Variants in COL24A1 observed in about 807,000 individuals in gnomAD.
COL24A1 encodes collagen alpha-1(XXIV) chain.
In COL24A1, 224 loss-of-function variants were observed where a neutral mutation model predicts 253.9. That is an observed-to-expected ratio of 0.88 (90% CI 0.79 to 0.99). The LOEUF (loss-of-function observed/expected upper bound fraction) is 0.99. Ranked by LOEUF, COL24A1 falls within the 50% of genes least tolerant of loss-of-function variation. COL24A1 has a pLI of 0.00. For synonymous variants in COL24A1, 685 were observed against 673.7 expected (o/e 1.02, Z -0.26); for missense variants, 2,131 against 2,068.5 (o/e 1.03, Z -0.59).
chr1:86,125,438 T>C lies in COL24A1; in HGVS notation c.898A>G (p.Thr300Ala), dbSNP rs767443748. 3.7e-6 allele frequency: 6 copies of C among 1,613,626 alleles called. No individual in the cohort carries two copies. The highest frequency in any genetic ancestry group is 3.4e-6 in the Non-Finnish European group (4 of 1,179,796). The change falls in exon 3 of 60, where the codon ACC (threonine) becomes GCC (alanine). Residue 300 changes from threonine to alanine, a missense_variant. By Grantham distance (58) the Thr-to-Ala change is moderately conservative (BLOSUM62 0). Transcript: ENST00000370571. Reference protein sequence around the residue: ...IPNIIKNDSETVYKRQEHQIS... With the variant: ...IPNIIKNDSEAVYKRQEHQIS... ...TGGTGTTCTTGTCTTTTATACACGG[T>C]TTCAGAATCATTTTTTATGATATTT... is the stretch of plus-strand genomic sequence containing the variant.
intron 24 of COL24A1, among the ~76,000 whole-genome samples, chr1:85,950,528 A>G (rs1689787947): frequency 6.6e-6 from 1 of 152,204 alleles, no homozygotes; most frequent in Non-Finnish European, 1.5e-5. Context: ...GAACCCAGTA[A>G]GTATTAGGCT....
At chr1:85,829,242 A>G (rs1674843777) in intron 43 of COL24A1, among the ~76,000 whole-genome samples, 1 of 151,812 alleles carries the variant, frequency 6.6e-6, no homozygotes, top group African/African-American at 2.4e-5. Context: ...AAGAATGTTG[A>G]TATTGGCCCC....
rs750986733 is a variant in COL24A1 at position 85,823,548 on chromosome 1, C to T, written c.3777G>A (p.Glu1259=). The stretch of plus-strand genomic sequence containing the variant: ...AATTTCAACTTACTTCAGATCCTCT[C>T]TCTCCTTTTAGTCCTTGTTCACCCT... The part of the protein sequence containing the change: ...GDQGEQGLKG[E]RGSEGNKGKK... Residue 1259 remains glutamate, a synonymous_variant, in exon 45 of 60, where the codon GAG becomes GAA. Coordinates refer to ENST00000370571, the MANE Select transcript of COL24A1 (RefSeq NM_152890.7). 47 of 1,613,960 alleles carry T rather than the reference C, an allele frequency of 2.9e-5. No homozygotes were observed. Among genetic ancestry groups the T allele is most frequent in the Non-Finnish European group, 3.6e-5 (42 of 1,179,938 alleles).
chr1:85,778,014 T>C (rs1455497599), intron 52 of COL24A1, among the ~76,000 whole-genome samples: 4 of 137,962 alleles, frequency 2.9e-5, no homozygotes, highest in Admixed American at 7.9e-5. Flanking sequence ...TGTGTGTATA[T>C]GTCTCTATCT....
Position 85,841,245 on chromosome 1 carries a change from G to T in COL24A1, c.3604C>A (p.Pro1202Thr). 1 of 1,604,180 alleles carries T rather than the reference G, an allele frequency of 6.2e-7. No homozygotes were observed. Among genetic ancestry groups the T allele is most frequent in the Non-Finnish European group, 8.5e-7 (1 of 1,176,194 alleles). Residue 1202 changes from proline to threonine, a missense_variant, in exon 42 of 60, where the codon CCA becomes ACA. By Grantham distance (38) the Pro-to-Thr change is conservative. Coordinates refer to ENST00000370571, the MANE Select transcript of COL24A1 (RefSeq NM_152890.7). ...ACTGGTTCACCTCGAGGCCCAGGTG[G>T]TCCTAGGACTGTGCTATCTTCTCCT... Reference protein sequence around the residue: ...YPGEDSTVLGPPGPRGEPGPV... With the variant: ...YPGEDSTVLGTPGPRGEPGPV...
intron 10 of COL24A1, among the ~76,000 whole-genome samples, chr1:86,055,404 T>C (rs980816115): frequency 6.6e-6 from 1 of 152,040 alleles, no homozygotes; most frequent in Admixed American, 6.5e-5. Context: ...TAACTAAAAG[T>C]ACAACTTAAG....
chr1:86,045,278 C>G (rs1390753347), intron 12 of COL24A1, among the ~76,000 whole-genome samples: 1 of 152,126 alleles, frequency 6.6e-6, no homozygotes, highest in African/African-American at 2.4e-5. Context: ...GTGTGAGCCA[C>G]CGCGCCCAGC....
chr1:85,921,581 ACC>A (rs1344158237), intron 24 of COL24A1, among the ~76,000 whole-genome samples: 1 of 152,168 alleles, frequency 6.6e-6, no homozygotes, highest in African/African-American at 2.4e-5. Context: ...CAGCTGAGGG[ACC>A]TGACTCTTAG....
chr1:85,906,531 A>C (rs17128475), intron 28 of COL24A1, among the ~76,000 whole-genome samples: 17,642 of 151,498 alleles, frequency 0.12, 1,140 homozygotes, highest in East Asian at 0.23. Flanking sequence ...AAACTTTGAG[A>C]GCCCTGGTTC....
Position 86,014,541 on chromosome 1 carries a change from C to G in COL24A1, c.2310+2610G>C, listed in dbSNP as rs374964623. ...ACTAATTTTCTATTTCTCCTAAAGG[C>G]CTTTGAACCCTAACAGATTCAAAGC... is the stretch of plus-strand genomic sequence containing the variant. On this transcript the variant is annotated intron_variant, in intron 19 of 59. Transcript: ENST00000370571. 1.6e-3 allele frequency among the ~76,000 whole-genome samples: 244 copies of G among 152,190 alleles called. 1 individual carries two copies. Among genetic ancestry groups the G allele is most frequent in the African/African-American group, 5.5e-3 (230 of 41,526 alleles).
intron 35 of COL24A1, among the ~76,000 whole-genome samples, chr1:85,870,713 G>A (rs533736140): frequency 1.2e-3 from 179 of 152,202 alleles, no homozygotes; most frequent in Middle Eastern, 3.4e-3. Flanking sequence ...TAGAGGGAAA[G>A]TTATAGCACT....
chr1:86,023,919 C>T (rs113831700), intron 14 of COL24A1, among the ~76,000 whole-genome samples: 1 of 152,092 alleles, frequency 6.6e-6, no homozygotes, highest in African/African-American at 2.4e-5. Context: ...AATGGAAATC[C>T]AAGTTAGTTC....
intron 59 of COL24A1, among the ~76,000 whole-genome samples, chr1:85,732,597 T>C (rs955439691): frequency 3.9e-5 from 6 of 152,174 alleles, no homozygotes; most frequent in African/African-American, 1.4e-4. Flanking sequence ...ATTAGCTGCA[T>C]TACTTTAATT....
intron 30 of COL24A1, 41 bp from the exon 31 acceptor site, chr1:85,895,943 CA>C (rs1468098210): frequency 1.9e-6 from 3 of 1,602,154 alleles, no homozygotes; most frequent in African/African-American, 1.4e-5. Context: ...TAGTCCCCTC[CA>C]AAAAGATTAA....
chr1:85,892,842 C>T (rs941195699), intron 31 of COL24A1, among the ~76,000 whole-genome samples: 1 of 152,030 alleles, frequency 6.6e-6, no homozygotes, highest in South Asian at 2.1e-4. Context: ...CTAGAATAAC[C>T]ATGGAAAATT....
intron 18 of COL24A1, among the ~76,000 whole-genome samples, chr1:86,017,450 C>G (rs1298438696): frequency 1.3e-5 from 2 of 152,072 alleles, no homozygotes; most frequent in Admixed American, 1.3e-4. Flanking sequence ...GAGTCAAGTG[C>G]TCAAATCAAG....
rs571068546 is a variant in COL24A1, at chr1:85,760,072, T to G, written c.4437+1324A>C. The stretch of plus-strand genomic sequence containing the variant: ...AGAAAGACATTGTTTTTTTTTTTTT[T>G]TTGTTTGTTTGTTTGTTTTTTTGAG... On this transcript the variant is annotated intron_variant, in intron 55 of 59. Coordinates refer to ENST00000370571, the MANE Select transcript of COL24A1 (RefSeq NM_152890.7). Among the ~76,000 whole-genome samples the G allele has an allele frequency of 7.9e-5, 12 of 151,380 alleles. No homozygotes were observed. In the South Asian group the frequency reaches 2.1e-3, roughly 26 times the overall value.
chr1:85,770,695 T>C (rs1305388144), intron 53 of COL24A1, among the ~76,000 whole-genome samples: 1 of 152,206 alleles, frequency 6.6e-6, no homozygotes, highest in Non-Finnish European at 1.5e-5. Context: ...CTTAGCATGA[T>C]CTCTGCTGAA....
intron 32 of COL24A1, among the ~76,000 whole-genome samples, chr1:85,879,974 A>G (rs1681637445): frequency 6.6e-6 from 1 of 152,104 alleles, no homozygotes; most frequent in Non-Finnish European, 1.5e-5. Context: ...CAGTTCTCCA[A>G]GTTTGTTCTT....
Sources: allele counts gnomAD v4.1 joint callset (sites outside exome capture counted in the v4.1 genomes callset), GRCh38; gene constraint gnomAD v4.1.1; transcripts MANE v1.5; gene names NCBI Gene and HGNC (gene_info 2026-07-23, HGNC 2026-07-21).